The following BTBD9 variants were observed in gnomAD, a reference collection of about 807,000 sequenced individuals.
BTBD9 encodes the protein BTB domain containing 9.
In BTBD9, 49 loss-of-function variants were observed where a neutral mutation model predicts 64.3. That is an observed-to-expected ratio of 0.76 (90% CI 0.61 to 0.97). The LOEUF (loss-of-function observed/expected upper bound fraction) is 0.97. BTBD9 is among the 50% of genes least tolerant of loss of function. The pLI is 0.00. For synonymous variants in BTBD9, 260 were observed against 274.7 expected (o/e 0.95, Z 0.53); for missense variants, 598 against 762.1 (o/e 0.78, Z 2.53).
intron 9 of BTBD9, among the ~76,000 whole-genome samples, chr6:38,200,151 C>T (rs1177013863): frequency 3.3e-5 from 5 of 152,318 alleles, no homozygotes; most frequent in Middle Eastern, 3.4e-3. Flanking sequence ...ATGAGCACCA[C>T]GGGCATTTCC....
intron 6 of BTBD9, among the ~76,000 whole-genome samples, chr6:38,536,844 T>G (rs1490371777): frequency 6.6e-6 from 1 of 151,878 alleles, no homozygotes; most frequent in South Asian, 2.1e-4. Context: ...TGGAGGAAAG[T>G]GGGGATGCTT....
At chr6:38,377,193 A>T (rs1765724543) in intron 6 of BTBD9, among the ~76,000 whole-genome samples, 1 of 152,190 alleles carries the variant, frequency 6.6e-6, no homozygotes, top group South Asian at 2.1e-4. Context: ...TAAACATTTT[A>T]CATAATGCTT....
At chr6:38,391,084 CTCAT>C (rs1459894417) in intron 6 of BTBD9, among the ~76,000 whole-genome samples, 1 of 151,934 alleles carries the variant, frequency 6.6e-6, no homozygotes, top group Non-Finnish European at 1.5e-5. Context: ...TCACGTCTTA[CTCAT>C]TCATTCAGTC....
At chr6:38,286,984 A>T (rs1761753030) in intron 8 of BTBD9, among the ~76,000 whole-genome samples, 1 of 148,730 alleles carries the variant, frequency 6.7e-6, no homozygotes, top group Non-Finnish European at 1.5e-5. Context: ...TGGGAGGCTG[A>T]GGCAAGAGAA....
intron 6 of BTBD9, among the ~76,000 whole-genome samples, chr6:38,348,631 C>A (rs536429389): frequency 6.6e-6 from 1 of 152,150 alleles, no homozygotes; most frequent in African/African-American, 2.4e-5. Flanking sequence ...CCCTCCCTTC[C>A]CTATGTTAGC....
intron 6 of BTBD9, among the ~76,000 whole-genome samples, chr6:38,404,717 A>T (rs576179222): frequency 6.6e-6 from 1 of 152,328 alleles, no homozygotes; most frequent in African/African-American, 2.4e-5. Context: ...CAGATAAGGG[A>T]TAAACTGATG....
chr6:38,575,862 C>A (rs1289844850), intron 6 of BTBD9, among the ~76,000 whole-genome samples: 1 of 151,878 alleles, frequency 6.6e-6, no homozygotes, highest in Admixed American at 6.6e-5. Context: ...AGTCTCTAAA[C>A]ACGTAACAGC....
At chr6:38,577,816 G>A in intron 5 of BTBD9, 97 bp from the exon 6 acceptor site, 1 of 1,061,628 alleles carries the variant, frequency 9.4e-7, no homozygotes, top group Admixed American at 2.9e-5. Context: ...AAAAAATACA[G>A]AATTCACTAA....
chr6:38,511,493 C>T (rs1036830038), intron 6 of BTBD9, among the ~76,000 whole-genome samples: 3 of 151,960 alleles, frequency 2.0e-5, no homozygotes, highest in Non-Finnish European at 4.4e-5. Context: ...CAGGCGCCTG[C>T]CACCACGCCT....
chr6:38,291,552 G>A (rs1229692631), intron 7 of BTBD9, among the ~76,000 whole-genome samples: 1 of 152,062 alleles, frequency 6.6e-6, no homozygotes, highest in East Asian at 1.9e-4. Context: ...GTGGTGAGAG[G>A]GCATCCTTGT....
chr6:38,499,009 C>T (rs1297181534), intron 6 of BTBD9, among the ~76,000 whole-genome samples: 2 of 152,148 alleles, frequency 1.3e-5, no homozygotes, highest in African/African-American at 4.8e-5. Flanking sequence ...GGAGTCTAAA[C>T]AATGCCTGTC....
chr6:38,414,976 C>T lies in BTBD9; in HGVS notation c.1155-69883G>A, dbSNP rs1324609420. Among the ~76,000 whole-genome samples the T allele has an allele frequency of 2.0e-5, 3 of 152,186 alleles. No individual in the cohort carries two copies. The East Asian group carries it at 5.8e-4, about 29-fold the overall frequency. On this transcript the variant is annotated intron_variant, in intron 6 of 10. Coordinates refer to ENST00000481247, the MANE Select transcript of BTBD9 (RefSeq NM_001099272.2). ...ACTTTCAATTGCCTACTAGACACTT[C>T]CCCTAAAAGGTTCTACAGGTACTTT... is the stretch of plus-strand genomic sequence containing the variant.
chr6:38,316,605 T>A (rs1582218381), intron 7 of BTBD9, among the ~76,000 whole-genome samples: 1 of 152,228 alleles, frequency 6.6e-6, no homozygotes, highest in East Asian at 1.9e-4. Flanking sequence ...CTCCCCACTT[T>A]TTAACTTTCT....
At chr6:38,238,530 T>C (rs1763874675) in intron 9 of BTBD9, among the ~76,000 whole-genome samples, 1 of 142,858 alleles carries the variant, frequency 7.0e-6, no homozygotes, top group Non-Finnish European at 1.5e-5. Context: ...TGGAGTGCAG[T>C]GGCACGATCT....
chr6:38,343,905 G>C (rs917662993), intron 7 of BTBD9, among the ~76,000 whole-genome samples: 11 of 152,310 alleles, frequency 7.2e-5, no homozygotes, highest in African/African-American at 2.4e-4. Context: ...CATTCAAAGA[G>C]TTAATAAACA....
rs560194352 is a variant in BTBD9, at chr6:38,303,895, ATATATACGTG to A, written c.1265-15444_1265-15435del. 1.8e-3 allele frequency among the ~76,000 whole-genome samples: 264 copies of A among 143,228 alleles called. 3 individuals carry two copies. Among genetic ancestry groups the A allele is most frequent in the South Asian group, 0.013 (60 of 4,580 alleles). 94.0% of individuals were successfully genotyped at this position (143,228 alleles called of 152,430 possible). A position where few individuals can be genotyped will look rare whatever the true frequency, so the allele number is the denominator to read the frequency against. On this transcript the variant is annotated intron_variant, in intron 7 of 10. Transcript: ENST00000481247. ...TATATACACACACACACATGTGTAT[ATATATACGTG>A]TATATATGTGTATATATATATATAC...
intron 6 of BTBD9, among the ~76,000 whole-genome samples, chr6:38,351,512 T>TTTG (rs1189690902): frequency 4.3e-5 from 6 of 141,070 alleles, no homozygotes; most frequent in Non-Finnish European, 1.6e-5. Flanking sequence ...TTGTTGTTTT[T>TTTG]TTTTTTTTTT....
At chr6:38,308,610 TTC>T (rs1281611484) in intron 7 of BTBD9, among the ~76,000 whole-genome samples, 2 of 152,142 alleles carry the variant, frequency 1.3e-5, no homozygotes, top group Non-Finnish European at 2.9e-5. Flanking sequence ...TTTGTTTTGT[TTC>T]TGTTTTTTTG....
chr6:38,329,887 A>C (rs889030188), intron 7 of BTBD9, among the ~76,000 whole-genome samples: 1 of 151,998 alleles, frequency 6.6e-6, no homozygotes, highest in Non-Finnish European at 1.5e-5. Context: ...TGGGAGGCTG[A>C]GGTTGCAGTG....
Sources: gnomAD v4.1 joint callset for allele counts (sites outside exome capture counted in the v4.1 genomes callset) on GRCh38, gnomAD v4.1.1 for gene constraint, MANE v1.5 for transcripts, NCBI Gene and HGNC (gene_info 2026-07-23, HGNC 2026-07-21) for gene names.